C8orf34: variants seen among roughly 807,000 people sequenced by gnomAD.
C8orf34 encodes the protein uncharacterized protein C8orf34.
A neutral mutation model predicts 68.3 loss-of-function variants in C8orf34; 65 were observed. That is an observed-to-expected ratio of 0.95 (90% CI 0.78 to 1.17). The LOEUF (loss-of-function observed/expected upper bound fraction) is 1.17. Ranked by LOEUF, C8orf34 falls within the 50% of genes most tolerant of loss-of-function variation. C8orf34 has a pLI of 0.00. For synonymous variants in C8orf34, 244 were observed against 241.2 expected, an observed-to-expected ratio of 1.01 and a Z score of -0.11; for missense variants, 664 against 655.4, an observed-to-expected ratio of 1.01 and a Z score of -0.14.
intron 1 of C8orf34, among the ~76,000 whole-genome samples, chr8:68,389,784 T>C (rs533673829): frequency 2.0e-5 from 3 of 152,322 alleles, no homozygotes; most frequent in Admixed American, 1.3e-4. Context: ...ATTTCTTTTC[T>C]ATTTACTTTT....
intron 4 of C8orf34, among the ~76,000 whole-genome samples, chr8:68,487,140 A>G (rs900686700): frequency 2.0e-5 from 3 of 152,224 alleles, no homozygotes; most frequent in African/African-American, 4.8e-5. Flanking sequence ...GGCAGTAAAG[A>G]TGTGCCATAT....
At chr8:68,735,636 C>T (rs1352362200) in intron 10 of C8orf34, among the ~76,000 whole-genome samples, 1 of 151,918 alleles carries the variant, frequency 6.6e-6, no homozygotes, top group African/African-American at 2.4e-5. Flanking sequence ...ACAGTTATAA[C>T]TTTTTATACT....
At position 68,522,026 on chromosome 8, in the gene C8orf34, G is replaced by A. The variant is rs1814779491; in HGVS notation, c.938+55G>A. The A allele has an allele frequency of 2.0e-6, 3 of 1,478,846 alleles. No individual in the cohort carries two copies. The Admixed American group carries it at 6.3e-5, about 31-fold the overall frequency. The allele number at this position is 1,478,846 out of a possible 1,614,324, so 91.6% of individuals were successfully genotyped here. Reference sequence around the variant, plus strand: ...ATTACTAGTCATTAAAAGGTAAAGGGAAAATAAACCCAAGTTCATGGTTTT... The same window carrying A: ...ATTACTAGTCATTAAAAGGTAAAGGAAAAATAAACCCAAGTTCATGGTTTT... On this transcript the variant is annotated intron_variant, in intron 6 of 13. Coordinates refer to ENST00000518698, the MANE Select transcript of C8orf34 (RefSeq NM_052958.4).
intron 9 of C8orf34, among the ~76,000 whole-genome samples, chr8:68,709,799 C>G (rs1391828649): frequency 6.6e-6 from 1 of 152,046 alleles, no homozygotes; most frequent in Admixed American, 6.6e-5. Flanking sequence ...AGCAAACAAA[C>G]AATATCAGAG....
At chr8:68,720,729 T>C (rs2129526430) in intron 9 of C8orf34, among the ~76,000 whole-genome samples, 1 of 151,980 alleles carries the variant, frequency 6.6e-6, no homozygotes, top group African/African-American at 2.4e-5. Flanking sequence ...TAGAAATCCT[T>C]GTTGTTCTGG....
intron 7 of C8orf34, among the ~76,000 whole-genome samples, chr8:68,584,451 C>T (rs1309649037): frequency 6.6e-6 from 1 of 152,112 alleles, no homozygotes; most frequent in African/African-American, 2.4e-5. Flanking sequence ...TACGGAAATC[C>T]GTCTTGTATG....
At chr8:68,443,733 C>A (rs979263988) in intron 2 of C8orf34, among the ~76,000 whole-genome samples, 1 of 151,970 alleles carries the variant, frequency 6.6e-6, no homozygotes, top group Non-Finnish European at 1.5e-5. Flanking sequence ...AGCCAGAAAA[C>A]GTCTCAATAT....
intron 1 of C8orf34, among the ~76,000 whole-genome samples, chr8:68,406,022 A>G (rs893074126): frequency 3.3e-5 from 5 of 152,168 alleles, no homozygotes; most frequent in African/African-American, 4.8e-5. Context: ...ACAGATTAAG[A>G]TTTTCACAAG....
chr8:68,358,670 AG>A (rs887656216), intron 1 of C8orf34, among the ~76,000 whole-genome samples: 366 of 149,186 alleles, frequency 2.5e-3, no homozygotes, highest in African/African-American at 8.4e-3. Context: ...TTTTTTTTGG[AG>A]GGGGGGTGTT....
intron 7 of C8orf34, among the ~76,000 whole-genome samples, chr8:68,598,495 C>T (rs1042462394): frequency 2.0e-5 from 3 of 152,110 alleles, no homozygotes; most frequent in African/African-American, 7.2e-5. Context: ...GCTAACTTTG[C>T]TGACATGGAG....
chr8:68,637,491 A>G (rs756205027), intron 7 of C8orf34, among the ~76,000 whole-genome samples: 1 of 152,156 alleles, frequency 6.6e-6, no homozygotes, highest in African/African-American at 2.4e-5. Context: ...TGAAGCAAGC[A>G]GGACTAGCTA....
intron 11 of C8orf34, among the ~76,000 whole-genome samples, chr8:68,786,789 C>A (rs1331305214): frequency 6.6e-6 from 1 of 152,050 alleles, no homozygotes; most frequent in African/African-American, 2.4e-5. Context: ...GTGATTACAT[C>A]ATATGGCAAC....
intron 10 of C8orf34, among the ~76,000 whole-genome samples, chr8:68,763,212 G>T (rs1180151999): frequency 6.6e-6 from 1 of 152,260 alleles, no homozygotes; most frequent in South Asian, 2.1e-4. Flanking sequence ...TTTAGACAAT[G>T]GTATAATCTT....
intron 7 of C8orf34, among the ~76,000 whole-genome samples, chr8:68,631,905 T>C (rs4366070): frequency 0.67 from 102,269 of 152,044 alleles, 34,839 homozygotes; most frequent in African/African-American, 0.75. Context: ...GACCTCTTTC[T>C]TTTATAAATT....
At chr8:68,813,416 C>G (rs989734663) in intron 12 of C8orf34, among the ~76,000 whole-genome samples, 1 of 151,938 alleles carries the variant, frequency 6.6e-6, no homozygotes, top group Non-Finnish European at 1.5e-5. Flanking sequence ...CTCCCTTGCC[C>G]CACACTCTAA....
intron 8 of C8orf34, 146 bp from the exon 9 acceptor site, chr8:68,708,848 G>A: frequency 1.5e-6 from 1 of 668,854 alleles, no homozygotes; most frequent in Non-Finnish European, 2.6e-6. Context: ...TATTAAAATG[G>A]CTTTAGTGAA....
At chr8:68,626,534 G>A (rs1818542712) in intron 7 of C8orf34, among the ~76,000 whole-genome samples, 1 of 152,126 alleles carries the variant, frequency 6.6e-6, no homozygotes, top group African/African-American at 2.4e-5. Context: ...TTTTGAGTTA[G>A]CATATTATGT....
intron 10 of C8orf34, among the ~76,000 whole-genome samples, chr8:68,761,662 C>A (rs976163711): frequency 1.3e-5 from 2 of 152,202 alleles, no homozygotes; most frequent in African/African-American, 4.8e-5. Context: ...CCAAATGGAA[C>A]CACAGTGCTC....
intron 10 of C8orf34, among the ~76,000 whole-genome samples, chr8:68,751,548 C>T (rs1209470506): frequency 6.6e-6 from 1 of 152,048 alleles, no homozygotes; most frequent in Non-Finnish European, 1.5e-5. Context: ...TATAGAATCT[C>T]AATAGTAAGT....
Sources: allele counts gnomAD v4.1 joint callset (sites outside exome capture counted in the v4.1 genomes callset), GRCh38; gene constraint gnomAD v4.1.1; transcripts MANE v1.5; gene names NCBI Gene and HGNC (gene_info 2026-07-23, HGNC 2026-07-21).